F2RL1: variants seen among roughly 807,000 people sequenced by gnomAD.
F2RL1 encodes the protein proteinase-activated receptor 2.
In F2RL1, 16 loss-of-function variants were observed where a neutral mutation model predicts 21.7. The ratio of observed to expected loss-of-function variants is 0.74; its 90% CI spans 0.50 to 1.12. F2RL1 has a LOEUF of 1.12. F2RL1 is among the 50% of genes most tolerant of loss of function. F2RL1 has a pLI of 0.00. For synonymous variants in F2RL1, 181 were observed against 186.7 expected, an observed-to-expected ratio of 0.97 and a Z score of 0.25; for missense variants, 432 against 477.8, an observed-to-expected ratio of 0.90 and a Z score of 0.89.
chr5:76,832,095 G>A (rs1750359248), intron 1 of F2RL1, among the ~76,000 whole-genome samples: 1 of 151,786 alleles, frequency 6.6e-6, no homozygotes, highest in Non-Finnish European at 1.5e-5. Flanking sequence ...TTGAAATATT[G>A]TTAGTCTTCT....
Position 76,831,725 on chromosome 5 carries a change from G to A in F2RL1, c.83-965G>A, listed in dbSNP as rs576728875. Among the ~76,000 whole-genome samples the A allele has an allele frequency of 5.9e-5, 9 of 151,950 alleles. No individual in the cohort carries two copies. The South Asian group carries it at 1.7e-3, about 28-fold the overall frequency. ...GTATTTTTAACAGAGTCAGGGTTTC[G>A]CCATGTTAGCCAGGCTGGTCTGAAA... On this transcript the variant is annotated intron_variant, in intron 1 of 1. Transcript: ENST00000296677.
chr5:76,831,622 T>G (rs944991527), intron 1 of F2RL1, among the ~76,000 whole-genome samples: 1 of 147,804 alleles, frequency 6.8e-6, no homozygotes, highest in Non-Finnish European at 1.5e-5. Context: ...CAACCTCCAC[T>G]TCCGGGGTTC....
At position 76,833,336 on chromosome 5, in the gene F2RL1, CCT is replaced by C; in HGVS notation, c.736_737del (p.Leu246GlyfsTer30). The stretch of plus-strand genomic sequence containing the variant: ...TGGTGGGAGACATGTTCAATTACTT[CCT>C]CTCTCTGGCCATTGGGGTCTTTCTG... Reference protein sequence around the residue: ...LLVGDMFNYFLSLAIGVFLFP... With the variant: ...LLVGDMFNYFXSLAIGVFLFP... On this transcript the variant is annotated frameshift_variant, in exon 2 of 2. Transcript: ENST00000296677. LOFTEE classifies it high-confidence loss of function. 2 of 1,614,032 alleles carry C rather than the reference CCT, an allele frequency of 1.2e-6. No individual in the cohort carries two copies. The highest frequency in any genetic ancestry group is 1.7e-6 in the Non-Finnish European group (2 of 1,180,034).
At chr5:76,820,267 A>C (rs985699599) in intron 1 of F2RL1, among the ~76,000 whole-genome samples, 1 of 152,202 alleles carries the variant, frequency 6.6e-6, no homozygotes, top group Non-Finnish European at 1.5e-5. Context: ...CGATCGCGCC[A>C]CTGTGATCCT....
chr5:76,831,117 T>C (rs1750341342), intron 1 of F2RL1, among the ~76,000 whole-genome samples: 1 of 151,880 alleles, frequency 6.6e-6, no homozygotes. Context: ...CATTTCTTTG[T>C]GGTTTTTAGG....
intron 1 of F2RL1, among the ~76,000 whole-genome samples, chr5:76,826,247 G>C (rs897360251): frequency 6.6e-6 from 1 of 151,224 alleles, no homozygotes; most frequent in Non-Finnish European, 1.5e-5. Context: ...CCTTTAAACT[G>C]TACAATTTAG....
In F2RL1 at chr5:76,834,035, A is replaced by G. The variant is rs1382410546; in HGVS notation, c.*234A>G. On this transcript the variant is annotated 3_prime_UTR_variant, in exon 2 of 2. Coordinates refer to ENST00000296677, the MANE Select transcript of F2RL1 (RefSeq NM_005242.6). ...TCAGATGACCCCAGAAACTGAACCA[A>G]CAGAAGCAGACTTTTCAGAAGATGG... The G allele has an allele frequency of 1.6e-5, 7 of 447,650 alleles. No individual in the cohort carries two copies. In the East Asian group the frequency reaches 2.4e-4, roughly 15 times the overall value. The allele number at this position is 447,650 out of a possible 1,614,324, so 27.7% of individuals were successfully genotyped here.
In F2RL1 at chr5:76,833,828, G is replaced by A. The variant is rs376212863; in HGVS notation, c.*27G>A. 82 of 1,600,828 alleles carry A rather than the reference G, an allele frequency of 5.1e-5. 1 individual carries two copies. The highest frequency in any genetic ancestry group is 6.7e-5 in the Non-Finnish European group (79 of 1,172,452). On this transcript the variant is annotated 3_prime_UTR_variant, in exon 2 of 2. Transcript: ENST00000296677. ...TTTTCCAGGTCCTCAGATGGGAATT[G>A]CACAGTAGGATGTGGAACCTGTTTA... is the stretch of plus-strand genomic sequence containing the variant.
chr5:76,833,552 G>A lies in F2RL1; in HGVS notation c.945G>A (p.Lys315=), dbSNP rs267600695. 1.2e-6 allele frequency: 2 copies of A among 1,613,638 alleles called. No individual in the cohort carries two copies. Among genetic ancestry groups the A allele is most frequent in the African/African-American group, 1.3e-5 (1 of 74,776 alleles). ...TTGTGGTGCATTATTTTCTGATTAA[G>A]AGCCAGGGCCAGAGCCATGTCTATG... The part of the protein sequence containing the change: ...LLLVVHYFLI[K]SQGQSHVYAL... Residue 315 remains lysine, a synonymous_variant, in exon 2 of 2, where the codon AAG becomes AAA. Transcript: ENST00000296677.
intron 1 of F2RL1, among the ~76,000 whole-genome samples, chr5:76,824,929 T>A (rs1161139372): frequency 6.6e-6 from 1 of 151,960 alleles, no homozygotes; most frequent in African/African-American, 2.4e-5. Flanking sequence ...GCTATTCTAC[T>A]CCACAGAGCC....
At chr5:76,827,490 C>T (rs1369367189) in intron 1 of F2RL1, among the ~76,000 whole-genome samples, 4 of 151,568 alleles carry the variant, frequency 2.6e-5, no homozygotes, top group African/African-American at 9.7e-5. Flanking sequence ...CAGCGAGACT[C>T]CGTCTCAAAA....
Position 76,833,587 on chromosome 5 carries a change from T to G in F2RL1, c.980T>G (p.Ile327Ser). ...QGQSHVYALY[I>S]VALCLSTLNS... is the part of the protein sequence containing the mutation. ...CAGAGCCATGTCTATGCCCTGTACA[T>G]TGTAGCCCTCTGCCTCTCTACCCTT... The change falls in exon 2 of 2, where the codon ATT becomes AGT. Residue 327 changes from isoleucine to serine, a missense_variant. By Grantham distance (142) the Ile-to-Ser change is moderately radical (BLOSUM62 -2). Coordinates refer to ENST00000296677, the MANE Select transcript of F2RL1 (RefSeq NM_005242.6). The G allele has an allele frequency of 6.2e-7, 1 of 1,613,904 alleles. No individual in the cohort carries two copies. Among genetic ancestry groups the G allele is most frequent in the Non-Finnish European group, 8.5e-7 (1 of 1,179,984 alleles).
chr5:76,819,298 T>G, intron 1 of F2RL1, 34 bp downstream of exon 1: 3 of 1,549,720 alleles, frequency 1.9e-6, no homozygotes, highest in African/African-American at 1.4e-5. Context: ...CTCTTATCTC[T>G]GAGGAGCTGG....
At chr5:76,820,103 A>G (rs1053376429) in intron 1 of F2RL1, among the ~76,000 whole-genome samples, 1 of 152,202 alleles carries the variant, frequency 6.6e-6, no homozygotes, top group Non-Finnish European at 1.5e-5. Context: ...TCTGCAGGCC[A>G]GAGGCTGGCT....
At position 76,834,584 on chromosome 5, in the gene F2RL1, G is replaced by A. The variant is rs1282028928; in HGVS notation, c.*783G>A. 1 of 152,200 alleles carries A rather than the reference G, an allele frequency of 6.6e-6. No individual in the cohort carries two copies. Among genetic ancestry groups the A allele is most frequent in the Non-Finnish European group, 1.5e-5 (1 of 68,050 alleles). 9.4% of individuals were successfully genotyped at this position (152,200 alleles called of 1,614,324 possible). A position where few individuals can be genotyped will look rare whatever the true frequency, so the allele number is the denominator to read the frequency against. ...GTATCACTTTAACTCAGGAGGCAGA[G>A]GTTGCAGTGAGCCGAGATTGCACCA... On this transcript the variant is annotated 3_prime_UTR_variant, in exon 2 of 2. Coordinates refer to ENST00000296677, the MANE Select transcript of F2RL1 (RefSeq NM_005242.6).
intron 1 of F2RL1, among the ~76,000 whole-genome samples, chr5:76,821,169 C>G (rs1750128177): frequency 6.6e-6 from 1 of 152,292 alleles, no homozygotes. Flanking sequence ...TCTCAGGGTA[C>G]AGGTGAAGGA....
At chr5:76,829,071 G>T (rs546294310) in intron 1 of F2RL1, among the ~76,000 whole-genome samples, 1 of 150,968 alleles carries the variant, frequency 6.6e-6, no homozygotes, top group African/African-American at 2.4e-5. Flanking sequence ...AACCAAGATC[G>T]CACCACTGCA....
chr5:76,828,166 A>G (rs1750279604), intron 1 of F2RL1, among the ~76,000 whole-genome samples: 1 of 151,962 alleles, frequency 6.6e-6, no homozygotes, highest in Admixed American at 6.6e-5. Flanking sequence ...ATGGGGTTTC[A>G]CCATGTTGGC....
chr5:76,834,854 T>C lies in F2RL1; in HGVS notation c.*1053T>C, dbSNP rs760446634. On this transcript the variant is annotated 3_prime_UTR_variant, in exon 2 of 2. Coordinates refer to ENST00000296677, the MANE Select transcript of F2RL1 (RefSeq NM_005242.6). ...GAAGCAAACAATGGTGTCTCTTTTA[T>C]GTTCAGCTTATAATGAAATCTGTTT... 4 of 152,346 alleles carry C rather than the reference T, an allele frequency of 2.6e-5. No homozygotes were observed. The highest frequency in any genetic ancestry group is 7.2e-5 in the African/African-American group (3 of 41,474). The allele number at this position is 152,346 out of a possible 1,614,324, so 9.4% of individuals were successfully genotyped here.
Sources: gnomAD v4.1 joint callset for allele counts (sites outside exome capture counted in the v4.1 genomes callset) on GRCh38, gnomAD v4.1.1 for gene constraint, MANE v1.5 for transcripts, NCBI Gene and HGNC (gene_info 2026-07-23, HGNC 2026-07-21) for gene names.